Variants in MAPK9 observed in about 807,000 individuals in gnomAD.
MAPK9 encodes the protein Jun kinase.
Under a neutral mutation model 57.1 loss-of-function variants are expected in MAPK9, and 30 were observed. The ratio of observed to expected loss-of-function variants is 0.53; its 90% confidence interval spans 0.39 to 0.71. The LOEUF is 0.71. Among genes scored for constraint, MAPK9 ranks in the 30% least tolerant of loss-of-function variants. The probability of loss-of-function intolerance (pLI) is 0.00; values close to 1 mark genes in which losing one functional copy is unlikely to be tolerated. For synonymous variants in MAPK9, 155 were observed against 177.0 expected, an observed-to-expected ratio of 0.88 and a Z score of 0.99; for missense variants, 362 against 521.0, an observed-to-expected ratio of 0.69 and a Z score of 2.97.
At chr5:180,282,657 TAG>T (rs1199772938) in intron 1 of MAPK9, among the ~76,000 whole-genome samples, 1 of 152,160 alleles carries the variant, frequency 6.6e-6, no homozygotes, top group Non-Finnish European at 1.5e-5. Context: ...TGCAAAGGAT[TAG>T]AGACAACTCA....
intron 3 of MAPK9, among the ~76,000 whole-genome samples, chr5:180,265,386 G>A (rs936512179): frequency 6.6e-6 from 1 of 152,160 alleles, no homozygotes; most frequent in Non-Finnish European, 1.5e-5. Context: ...CACGTGTCTA[G>A]GGAGAGACCT....
chr5:180,238,593 T>C (rs529716199), intron 10 of MAPK9, among the ~76,000 whole-genome samples, 190 bp from the exon 11 acceptor site: 1 of 148,594 alleles, frequency 6.7e-6, no homozygotes, highest in South Asian at 2.1e-4. Context: ...TTATATCTTT[T>C]CTTTTCTTCT....
Position 180,236,173 on chromosome 5 carries a change from A to T in MAPK9, c.*211T>A. ...AATGATCTTGAACAAAATCTCTAGA[A>T]GTGTGGCTTGCAATTTTTTTCTTCA... On this transcript the variant is annotated 3_prime_UTR_variant, in exon 12 of 12. Coordinates refer to ENST00000452135, the MANE Select transcript of MAPK9 (RefSeq NM_002752.5). The T allele has an allele frequency of 2.4e-6, 1 of 425,284 alleles. No homozygotes were observed. The highest frequency in any genetic ancestry group is 4.1e-6 in the Non-Finnish European group (1 of 244,626). The allele number at this position is 425,284 out of a possible 1,614,324, so 26.3% of individuals were successfully genotyped here.
chr5:180,258,644 A>C (rs921042292), intron 5 of MAPK9, among the ~76,000 whole-genome samples: 1 of 151,906 alleles, frequency 6.6e-6, no homozygotes, highest in African/African-American at 2.4e-5. Context: ...GAGAAACCCA[A>C]TGAATGTCAA....
intron 7 of MAPK9, among the ~76,000 whole-genome samples, chr5:180,244,345 G>T (rs970930168): frequency 3.9e-5 from 6 of 152,060 alleles, no homozygotes; most frequent in African/African-American, 1.4e-4. Flanking sequence ...CAACATCATC[G>T]ACATTTTGCA....
chr5:180,251,732 A>AGTGATGCCTGGATCGGGGC (rs1554122527), intron 5 of MAPK9, among the ~76,000 whole-genome samples: 2 of 151,764 alleles, frequency 1.3e-5, no homozygotes, highest in African/African-American at 2.4e-5. Flanking sequence ...TACAGATCCA[A>AGTGATGCCTGGATCGGGGC]GTGACGCCTG....
intron 2 of MAPK9, among the ~76,000 whole-genome samples, chr5:180,271,725 T>C (rs1158237126): frequency 2.6e-5 from 4 of 152,230 alleles, no homozygotes; most frequent in Non-Finnish European, 5.9e-5. Flanking sequence ...GGATTACATT[T>C]CATTTTCTAA....
intron 7 of MAPK9, among the ~76,000 whole-genome samples, chr5:180,245,819 C>A (rs1408565238): frequency 6.6e-6 from 1 of 152,170 alleles, no homozygotes; most frequent in Admixed American, 6.5e-5. Context: ...AGTTCCTTTT[C>A]TACCCTGGGT....
intron 8 of MAPK9, 57 bp downstream of exon 8, chr5:180,242,516 A>T: frequency 2.0e-6 from 3 of 1,473,046 alleles, no homozygotes; most frequent in South Asian, 2.5e-5. Context: ...AACATGAAAG[A>T]GTGAAAGCAC....
At chr5:180,269,939 AC>A (rs1481802000) in intron 2 of MAPK9, among the ~76,000 whole-genome samples, 1 of 152,248 alleles carries the variant, frequency 6.6e-6, no homozygotes, top group Non-Finnish European at 1.5e-5. Flanking sequence ...TGTTCAAGAT[AC>A]AAAATCTCTA....
chr5:180,237,489 A>C (rs1324356273), intron 11 of MAPK9: 1 of 152,200 alleles, frequency 6.6e-6, no homozygotes, highest in Admixed American at 6.5e-5. Context: ...ACCACTATGA[A>C]GATCAGTAGA....
At chr5:180,258,450 A>C (rs1759527409) in intron 5 of MAPK9, 1 of 152,862 alleles carries the variant, frequency 6.5e-6, no homozygotes, top group African/African-American at 2.4e-5. Flanking sequence ...AGAAACATAA[A>C]AGAAATAATA....
chr5:180,277,122 C>G (rs1761892173), intron 2 of MAPK9, among the ~76,000 whole-genome samples: 1 of 152,196 alleles, frequency 6.6e-6, no homozygotes, highest in African/African-American at 2.4e-5. Context: ...AAACCATACA[C>G]TGTTGCTGTT....
At chr5:180,240,433 G>A (rs1026189796) in intron 9 of MAPK9, among the ~76,000 whole-genome samples, 6 of 152,194 alleles carry the variant, frequency 3.9e-5, no homozygotes, top group African/African-American at 1.2e-4. Context: ...CTTATAAATT[G>A]GATTCTTTTT....
intron 3 of MAPK9, among the ~76,000 whole-genome samples, chr5:180,265,444 T>C (rs1305121249): frequency 2.0e-5 from 3 of 152,220 alleles, no homozygotes; most frequent in African/African-American, 7.2e-5. Context: ...GTGCTGTTCT[T>C]GTGACAGTGA....
intron 1 of MAPK9, among the ~76,000 whole-genome samples, chr5:180,284,913 C>T (rs150873760): frequency 5.3e-4 from 81 of 152,280 alleles, no homozygotes; most frequent in African/African-American, 1.6e-3. Context: ...CACACACACA[C>T]GCATACACAC....
intron 1 of MAPK9, among the ~76,000 whole-genome samples, chr5:180,286,435 C>T (rs1457418098): frequency 3.3e-5 from 5 of 151,752 alleles, no homozygotes; most frequent in Non-Finnish European, 5.9e-5. Flanking sequence ...TGAGCCACCG[C>T]GCCTGGCCTC....
chr5:180,275,868 G>A (rs138349637), intron 2 of MAPK9, among the ~76,000 whole-genome samples: 8 of 152,262 alleles, frequency 5.3e-5, no homozygotes, highest in African/African-American at 1.9e-4. Context: ...TTTATCTGCT[G>A]TTTTATCTGT....
At chr5:180,251,926 T>G (rs1758747543) in intron 5 of MAPK9, among the ~76,000 whole-genome samples, 1 of 152,128 alleles carries the variant, frequency 6.6e-6, no homozygotes, top group Non-Finnish European at 1.5e-5. Flanking sequence ...ATGACAGGTG[T>G]CCACTGTCTG....
Sources: allele counts gnomAD v4.1 joint callset (sites outside exome capture counted in the v4.1 genomes callset), GRCh38; gene constraint gnomAD v4.1.1; transcripts MANE v1.5; gene names NCBI Gene and HGNC (gene_info 2026-07-23, HGNC 2026-07-21).